CRACD: variants seen among roughly 807,000 people sequenced by gnomAD.
CRACD encodes capping protein-inhibiting regulator of actin dynamics.
CRACD carries 56 observed loss-of-function variants against 106.8 expected under a neutral mutation model. The ratio of observed to expected loss-of-function variants is 0.52; its 90% CI spans 0.42 to 0.66. The LOEUF (loss-of-function observed/expected upper bound fraction) is 0.66, where lower values mean the gene tolerates loss of function less well. Among genes scored for constraint, CRACD ranks in the 30% least tolerant of loss-of-function variants. CRACD has a pLI of 0.00. For missense variants in CRACD, 1,730 were observed against 1,623.2 expected, an observed-to-expected ratio of 1.07 and a Z score of -1.13; for synonymous variants, 754 against 670.8, an observed-to-expected ratio of 1.12 and a Z score of -1.92.
chr4:56,085,631 G>T (rs532218866), intron 1 of CRACD, among the ~76,000 whole-genome samples: 53 of 152,242 alleles, frequency 3.5e-4, no homozygotes, highest in African/African-American at 1.3e-3. Context: ...CTTTGGTTTT[G>T]TTTATTTGTT....
intron 4 of CRACD, among the ~76,000 whole-genome samples, chr4:56,307,002 C>A (rs926919872): frequency 1.3e-5 from 2 of 152,216 alleles, no homozygotes; most frequent in Admixed American, 6.5e-5. Flanking sequence ...GGTTTGGGGT[C>A]TCAAGCTAAG....
intron 1 of CRACD, among the ~76,000 whole-genome samples, chr4:56,085,832 G>A (rs536529983): frequency 6.6e-6 from 1 of 152,228 alleles, no homozygotes; most frequent in South Asian, 2.1e-4. Flanking sequence ...AATGTTCTGA[G>A]GAGCACCAGG....
At chr4:56,297,821 C>T (rs958361084) in intron 3 of CRACD, 1 of 155,156 alleles carries the variant, frequency 6.4e-6, no homozygotes, top group Non-Finnish European at 1.4e-5. Flanking sequence ...AGAAAGAAAT[C>T]CTTGCCTCTT....
At position 56,327,705 on chromosome 4, in the gene CRACD, C is replaced by T. The variant is rs766124150; in HGVS notation, c.3603C>T (p.Ser1201=). 34 of 1,613,994 alleles carry T rather than the reference C, an allele frequency of 2.1e-5. No homozygotes were observed. The highest frequency in any genetic ancestry group is 2.5e-5 in the Non-Finnish European group (30 of 1,180,010). Residue 1201 remains serine, a synonymous_variant, in exon 11 of 11, where the codon TCC becomes TCT. Transcript: ENST00000682029. The stretch of plus-strand genomic sequence containing the variant: ...TAAAAGAAGTCACCAAGAGGTTTTC[C>T]ACCCCGGATGCTGCCCCCGTGTCAA... ...PLVKEVTKRF[S]TPDAAPVSTE...
chr4:56,310,498 G>A (rs1577894822), intron 5 of CRACD, among the ~76,000 whole-genome samples, 168 bp from the exon 6 acceptor site: 1 of 152,214 alleles, frequency 6.6e-6, no homozygotes, highest in Non-Finnish European at 1.5e-5. Context: ...TGCTGGTGGA[G>A]TTTGGATATT....
At chr4:56,313,427 G>C in intron 7 of CRACD, 48 bp downstream of exon 7, 1 of 1,540,120 alleles carries the variant, frequency 6.5e-7, no homozygotes, top group Non-Finnish European at 8.9e-7. Flanking sequence ...CTTGCCTACT[G>C]GGCACTAATT....
chr4:56,128,564 G>A (rs981947053), intron 1 of CRACD, among the ~76,000 whole-genome samples: 1 of 152,130 alleles, frequency 6.6e-6, no homozygotes, highest in Admixed American at 6.5e-5. Flanking sequence ...AACACAATTA[G>A]GAAGGTGCCT....
chr4:56,301,664 C>T (rs2176787), intron 4 of CRACD, among the ~76,000 whole-genome samples: 101,793 of 151,626 alleles, frequency 0.67, 35,493 homozygotes, highest in East Asian at 0.91. Context: ...TTTGGAAAGG[C>T]TGCCCTCTAG....
intron 1 of CRACD, among the ~76,000 whole-genome samples, chr4:56,147,366 C>T (rs1056968794): frequency 2.0e-5 from 3 of 152,158 alleles, no homozygotes; most frequent in South Asian, 2.1e-4. Flanking sequence ...AGTTTTAGAA[C>T]ATTTTCATCA....
At chr4:56,102,662 C>A (rs17743434) in intron 1 of CRACD, among the ~76,000 whole-genome samples, 18,722 of 152,202 alleles carry the variant, frequency 0.12, 1,227 homozygotes, top group East Asian at 0.19. Context: ...TGAAAACCCA[C>A]ATCATCACCT....
chr4:56,310,789 T>C lies in CRACD; in HGVS notation c.354+55T>C, dbSNP rs796341083. 3.3e-3 allele frequency: 2,675 copies of C among 815,602 alleles called. 6 individuals carry two copies. Among genetic ancestry groups the C allele is most frequent in the South Asian group, 4.7e-3 (291 of 61,272 alleles). 50.5% of individuals were successfully genotyped at this position (815,602 alleles called of 1,614,324 possible). A position where few individuals can be genotyped will look rare whatever the true frequency, so the allele number is the denominator to read the frequency against. ...TTCTTTCCTTACTTAACTTTCATCTTCCCCCCCCCTTTTTTTTTTTTGCGA... is the reference window on the plus strand; with the variant it reads ...TTCTTTCCTTACTTAACTTTCATCTCCCCCCCCCCTTTTTTTTTTTTGCGA... On this transcript the variant is annotated intron_variant, in intron 6 of 10. Transcript: ENST00000682029.
chr4:56,114,810 A>G (rs1381718840), intron 1 of CRACD, among the ~76,000 whole-genome samples: 1 of 152,166 alleles, frequency 6.6e-6, no homozygotes, highest in Non-Finnish European at 1.5e-5. Flanking sequence ...TATGTAGTAT[A>G]TTTACATATG....
intron 1 of CRACD, among the ~76,000 whole-genome samples, chr4:56,156,342 C>T (rs998038633): frequency 2.6e-5 from 4 of 152,174 alleles, no homozygotes; most frequent in African/African-American, 4.8e-5. Context: ...CTTTGCTGGG[C>T]GCCTCCAGCT....
chr4:56,190,232 G>A (rs938632506), intron 2 of CRACD, among the ~76,000 whole-genome samples: 4 of 151,896 alleles, frequency 2.6e-5, no homozygotes, highest in Non-Finnish European at 5.9e-5. Context: ...TTGGACATTT[G>A]GGTTGGTTCC....
intron 1 of CRACD, among the ~76,000 whole-genome samples, chr4:56,087,907 T>C (rs1379689580): frequency 6.6e-6 from 1 of 152,164 alleles, no homozygotes; most frequent in African/African-American, 2.4e-5. Context: ...TGCTACCATG[T>C]CGCTAATTCA....
chr4:56,133,214 A>T (rs1174803161), intron 1 of CRACD, among the ~76,000 whole-genome samples: 1 of 152,236 alleles, frequency 6.6e-6, no homozygotes. Context: ...TGATGATGCA[A>T]ATTGTGTTTT....
At chr4:56,240,323 G>T (rs1049307493) in intron 2 of CRACD, among the ~76,000 whole-genome samples, 7 of 152,222 alleles carry the variant, frequency 4.6e-5, no homozygotes, top group Admixed American at 3.9e-4. Context: ...AGACTGGGGA[G>T]GGGGAGTAGG....
rs143819445 is a variant in CRACD, at chr4:56,158,596, C to T, written c.-335-20688C>T. The stretch of plus-strand genomic sequence containing the variant: ...ATAAATCTCAGCATAAGACCGCCAG[C>T]CTGATATTTGTTTTAGGGCAAAATA... On this transcript the variant is annotated intron_variant, in intron 1 of 10. Transcript: ENST00000682029. 2.2e-3 allele frequency among the ~76,000 whole-genome samples: 339 copies of T among 152,234 alleles called. 1 individual carries two copies. The highest frequency in any genetic ancestry group is 7.7e-3 in the African/African-American group (321 of 41,544).
rs117212519 is a variant in CRACD at position 56,155,551 on chromosome 4, G to A, written c.-335-23733G>A. Among the ~76,000 whole-genome samples, 28 of 152,246 alleles carry A rather than the reference G, an allele frequency of 1.8e-4. No homozygotes were observed. The East Asian group carries it at 4.8e-3, about 26-fold the overall frequency. Reference sequence around the variant, plus strand: ...CCAGGTACTGTTTTAAGCCTTCTACGTCGATTGAATCCCCATAACTATCCT... The same window carrying A: ...CCAGGTACTGTTTTAAGCCTTCTACATCGATTGAATCCCCATAACTATCCT... On this transcript the variant is annotated intron_variant, in intron 1 of 10. Transcript: ENST00000682029.
Sources: allele counts gnomAD v4.1 joint callset (sites outside exome capture counted in the v4.1 genomes callset), GRCh38; gene constraint gnomAD v4.1.1; transcripts MANE v1.5; gene names NCBI Gene and HGNC (gene_info 2026-07-23, HGNC 2026-07-21).